Variants in CDH13 observed in about 807,000 individuals in gnomAD.
CDH13 encodes cadherin-13.
In CDH13, 24 loss-of-function variants were observed where a neutral mutation model predicts 63.8. That is an observed-to-expected ratio of 0.38 (90% CI 0.27 to 0.53). The LOEUF (loss-of-function observed/expected upper bound fraction) is 0.53. Ranked by LOEUF, CDH13 falls within the 20% of genes least tolerant of loss-of-function variation. The probability of loss-of-function intolerance (pLI) is 0.85; values close to 1 mark genes in which losing one functional copy is unlikely to be tolerated. For missense variants in CDH13, 1,049 were observed against 903.1 expected (o/e 1.16, Z -2.07); for synonymous variants, 503 against 355.3 (o/e 1.42, Z -4.67).
At chr16:83,692,433 C>T (rs1040680644) in intron 10 of CDH13, among the ~76,000 whole-genome samples, 1 of 152,168 alleles carries the variant, frequency 6.6e-6, no homozygotes, top group Non-Finnish European at 1.5e-5. Flanking sequence ...ACAGGGATGG[C>T]TTTGCCTGCT....
chr16:83,395,844 T>C (rs1166788129), intron 6 of CDH13, among the ~76,000 whole-genome samples: 1 of 152,212 alleles, frequency 6.6e-6, no homozygotes, highest in Non-Finnish European at 1.5e-5. Context: ...TGTGTAGGTT[T>C]GTTACATAGG....
At position 83,554,350 on chromosome 16, in the gene CDH13, T is replaced by C. The variant is rs145592769; in HGVS notation, c.961-48104T>C. Among the ~76,000 whole-genome samples the C allele has an allele frequency of 9.5e-4, 144 of 151,562 alleles. 2 individuals are homozygous for C. The highest frequency in any genetic ancestry group is 3.2e-3 in the African/African-American group (133 of 41,312). ...AACAGAAATGAGATCGAAGAAGAGA[T>C]AGGAAAACAAAACATTTCAAAGGAG... On this transcript the variant is annotated intron_variant, in intron 7 of 13. Transcript: ENST00000567109.
intron 13 of CDH13, among the ~76,000 whole-genome samples, chr16:83,792,148 A>T (rs1418100048): frequency 6.6e-6 from 1 of 152,224 alleles, no homozygotes; most frequent in Non-Finnish European, 1.5e-5. Flanking sequence ...AAAGGCATTA[A>T]ACCCAGGTAG....
chr16:82,959,714 T>C (rs1422316708), intron 2 of CDH13, among the ~76,000 whole-genome samples: 2 of 152,240 alleles, frequency 1.3e-5, no homozygotes, highest in Non-Finnish European at 2.9e-5. Flanking sequence ...AGGTTCTGTT[T>C]GCCATATAAG....
intron 10 of CDH13, among the ~76,000 whole-genome samples, chr16:83,727,782 C>T (rs1450141118): frequency 2.0e-5 from 3 of 152,042 alleles, no homozygotes; most frequent in Non-Finnish European, 4.4e-5. Flanking sequence ...AATGACAGAT[C>T]CCTTGACGGA....
intron 2 of CDH13, among the ~76,000 whole-genome samples, chr16:82,881,236 G>C (rs970811130): frequency 8.5e-5 from 13 of 152,260 alleles, no homozygotes; most frequent in Non-Finnish European, 1.8e-4. Context: ...TCTTGCATAG[G>C]GGTTCAAGCT....
chr16:83,283,278 A>G (rs113013978), intron 5 of CDH13, among the ~76,000 whole-genome samples: 2,550 of 152,246 alleles, frequency 0.017, 68 homozygotes, highest in African/African-American at 0.054. Flanking sequence ...CGAGTGTGGG[A>G]CCCAATGTAT....
At chr16:83,064,725 T>C (rs888180878) in intron 3 of CDH13, among the ~76,000 whole-genome samples, 1 of 152,176 alleles carries the variant, frequency 6.6e-6, no homozygotes, top group Non-Finnish European at 1.5e-5. Flanking sequence ...CTTACTATTA[T>C]TTTTGATTGG....
chr16:83,480,217 G>A (rs988052469), intron 6 of CDH13, among the ~76,000 whole-genome samples: 2 of 152,196 alleles, frequency 1.3e-5, no homozygotes, highest in Non-Finnish European at 2.9e-5. Context: ...TTGGGAGGCT[G>A]AGGTGGGAGG....
intron 2 of CDH13, among the ~76,000 whole-genome samples, chr16:82,915,233 G>A (rs986494859): frequency 2.6e-5 from 4 of 152,260 alleles, no homozygotes; most frequent in East Asian, 3.9e-4. Context: ...CAATCAAGGC[G>A]GTCTTAGGAT....
At chr16:83,141,749 C>T (rs754176064) in intron 4 of CDH13, among the ~76,000 whole-genome samples, 1 of 152,178 alleles carries the variant, frequency 6.6e-6, no homozygotes, top group Admixed American at 6.5e-5. Context: ...CTCCCACTTA[C>T]AAGTGAGAAT....
intron 1 of CDH13, among the ~76,000 whole-genome samples, chr16:82,737,869 C>T (rs2033751246): frequency 6.6e-6 from 1 of 152,194 alleles, no homozygotes; most frequent in African/African-American, 2.4e-5. Flanking sequence ...TGGATATATA[C>T]AAGCACTGGT....
chr16:83,395,009 A>C (rs193076364), intron 6 of CDH13, among the ~76,000 whole-genome samples: 1 of 152,100 alleles, frequency 6.6e-6, no homozygotes, highest in Non-Finnish European at 1.5e-5. Context: ...TTTGCTGGGC[A>C]TGGTGGTGGG....
intron 5 of CDH13, among the ~76,000 whole-genome samples, chr16:83,238,733 T>G (rs556275659): frequency 3.5e-5 from 3 of 86,454 alleles, no homozygotes; most frequent in African/African-American, 1.0e-4. Flanking sequence ...TACCTCCATA[T>G]GTGTTTTTTT....
chr16:83,027,860 G>T (rs1192881203), intron 2 of CDH13, among the ~76,000 whole-genome samples: 2 of 152,130 alleles, frequency 1.3e-5, no homozygotes, highest in Non-Finnish European at 2.9e-5. Flanking sequence ...TAAGTAATAG[G>T]TCCCCAATTA....
At chr16:82,909,501 A>T (rs942385276) in intron 2 of CDH13, among the ~76,000 whole-genome samples, 3 of 149,684 alleles carry the variant, frequency 2.0e-5, no homozygotes, top group Admixed American at 1.3e-4. Flanking sequence ...GCCATACCCG[A>T]GACTGGGTAA....
At chr16:83,680,438 G>T (rs1915313413) in intron 10 of CDH13, among the ~76,000 whole-genome samples, 1 of 152,184 alleles carries the variant, frequency 6.6e-6, no homozygotes. Flanking sequence ...GCAGCCCATA[G>T]GTGCAGTCCC....
intron 1 of CDH13, among the ~76,000 whole-genome samples, chr16:82,677,318 C>T (rs1021632758): frequency 6.6e-6 from 1 of 152,200 alleles, no homozygotes; most frequent in South Asian, 2.1e-4. Flanking sequence ...CTCTTATTCC[C>T]TCTTCTGTTT....
chr16:83,026,624 C>T (rs760778840), intron 2 of CDH13, among the ~76,000 whole-genome samples: 2 of 151,884 alleles, frequency 1.3e-5, no homozygotes, highest in Admixed American at 6.6e-5. Context: ...CTTAAAAGAG[C>T]CCTTAGGGGA....
Sources: allele counts gnomAD v4.1 joint callset (sites outside exome capture counted in the v4.1 genomes callset), GRCh38; gene constraint gnomAD v4.1.1; transcripts MANE v1.5; gene names NCBI Gene and HGNC (gene_info 2026-07-23, HGNC 2026-07-21).